PITPNC1: variants seen among roughly 807,000 people sequenced by gnomAD.
PITPNC1 encodes the protein phosphatidylinositol transfer protein cytoplasmic 1, also known as cytoplasmic phosphatidylinositol transfer protein 1.
A neutral mutation model predicts 44.7 loss-of-function variants in PITPNC1; 18 were observed. The observed-to-expected ratio is 0.40, with a 90% CI of 0.28 to 0.60. The LOEUF is 0.60. Among genes scored for constraint, PITPNC1 ranks in the 20% least tolerant of loss-of-function variants. PITPNC1 has a pLI of 0.39. For synonymous variants in PITPNC1, 141 were observed against 149.6 expected, an observed-to-expected ratio of 0.94 and a Z score of 0.42; for missense variants, 290 against 418.4, an observed-to-expected ratio of 0.69 and a Z score of 2.68.
At chr17:67,609,288 C>CTTTTTT (rs34987217) in intron 5 of PITPNC1, among the ~76,000 whole-genome samples, 1 of 114,302 alleles carries the variant, frequency 8.7e-6, no homozygotes, top group African/African-American at 3.7e-5. Flanking sequence ...CTTCTTCTTC[C>CTTTTTT]TTTTTTTTTT....
chr17:67,401,380 G>T (rs1043706576), intron 1 of PITPNC1, among the ~76,000 whole-genome samples: 1 of 152,144 alleles, frequency 6.6e-6, no homozygotes, highest in Non-Finnish European at 1.5e-5. Flanking sequence ...TCGCTTGGGT[G>T]TGGGCTCTTT....
At chr17:67,451,453 A>G (rs1166659573) in intron 1 of PITPNC1, among the ~76,000 whole-genome samples, 1 of 152,150 alleles carries the variant, frequency 6.6e-6, no homozygotes, top group African/African-American at 2.4e-5. Context: ...CCATCACCGC[A>G]GTCCAGTTTT....
At chr17:67,632,563 T>G in intron 6 of PITPNC1, 1 of 237,302 alleles carries the variant, frequency 4.2e-6, no homozygotes, top group Non-Finnish European at 7.9e-6. Flanking sequence ...CCCAATTACA[T>G]GCGCTCTTTT....
chr17:67,609,211 G>GT (rs1219999968), intron 5 of PITPNC1, among the ~76,000 whole-genome samples: 2 of 150,876 alleles, frequency 1.3e-5, no homozygotes, highest in African/African-American at 2.4e-5. Flanking sequence ...GCCTCCCCTG[G>GT]TTTCCCAAGC....
intron 4 of PITPNC1, among the ~76,000 whole-genome samples, chr17:67,574,858 C>T (rs753693733): frequency 6.6e-6 from 1 of 152,170 alleles, no homozygotes; most frequent in East Asian, 1.9e-4. Flanking sequence ...AGGAGCTGTT[C>T]TCTGGCCACC....
At chr17:67,461,896 C>T (rs1158300973) in intron 1 of PITPNC1, among the ~76,000 whole-genome samples, 1 of 152,188 alleles carries the variant, frequency 6.6e-6, no homozygotes. Flanking sequence ...GGCAAGGAAT[C>T]TGAAGCCTGG....
intron 1 of PITPNC1, among the ~76,000 whole-genome samples, chr17:67,512,119 G>C (rs945854072): frequency 6.6e-6 from 1 of 152,124 alleles, no homozygotes. Flanking sequence ...TCAGAACTTG[G>C]GGTGAGAAAG....
At chr17:67,486,466 C>T (rs537353855) in intron 1 of PITPNC1, among the ~76,000 whole-genome samples, 7 of 152,214 alleles carry the variant, frequency 4.6e-5, no homozygotes, top group African/African-American at 1.4e-4. Context: ...CCCACAAATC[C>T]TAATGAGAAG....
intron 5 of PITPNC1, among the ~76,000 whole-genome samples, chr17:67,584,532 T>C (rs911523445): frequency 6.6e-6 from 1 of 152,164 alleles, no homozygotes; most frequent in African/African-American, 2.4e-5. Context: ...AAGGCTTGGT[T>C]TCTTTATTTA....
chr17:67,489,269 C>T (rs983888931), intron 1 of PITPNC1, among the ~76,000 whole-genome samples: 1 of 152,194 alleles, frequency 6.6e-6, no homozygotes, highest in African/African-American at 2.4e-5. Flanking sequence ...CCTCTGTCCT[C>T]ACAGATGTGG....
At chr17:67,499,622 T>C (rs944139835) in intron 1 of PITPNC1, among the ~76,000 whole-genome samples, 1 of 152,248 alleles carries the variant, frequency 6.6e-6, no homozygotes. Flanking sequence ...ATGCACCATA[T>C]AACAATATTT....
At chr17:67,399,490 G>A (rs188517255) in intron 1 of PITPNC1, among the ~76,000 whole-genome samples, 1 of 152,212 alleles carries the variant, frequency 6.6e-6, no homozygotes, top group Admixed American at 6.5e-5. Context: ...AGTTGTCTCC[G>A]CTGCTTTACC....
chr17:67,642,426 C>T (rs2042102054), intron 6 of PITPNC1, among the ~76,000 whole-genome samples: 1 of 152,132 alleles, frequency 6.6e-6, no homozygotes, highest in Non-Finnish European at 1.5e-5. Context: ...AATCCATCAA[C>T]CTACATCCTT....
At chr17:67,488,740 C>T (rs2039819522) in intron 1 of PITPNC1, among the ~76,000 whole-genome samples, 1 of 152,178 alleles carries the variant, frequency 6.6e-6, no homozygotes, top group South Asian at 2.1e-4. Flanking sequence ...CTGTTCCCCT[C>T]CTGGCAGCCC....
intron 1 of PITPNC1, among the ~76,000 whole-genome samples, chr17:67,425,046 C>T (rs1165849720): frequency 6.6e-6 from 1 of 151,948 alleles, no homozygotes; most frequent in African/African-American, 2.4e-5. Context: ...TTGTGAGATC[C>T]ACCCCCTGCC....
At chr17:67,468,181 C>T (rs183016072) in intron 1 of PITPNC1, among the ~76,000 whole-genome samples, 133 of 152,226 alleles carry the variant, frequency 8.7e-4, no homozygotes, top group African/African-American at 3.0e-3. Flanking sequence ...TATTTAGAGT[C>T]GTAGAAGTGT....
chr17:67,537,928 C>T (rs1049030683), intron 2 of PITPNC1, among the ~76,000 whole-genome samples: 10 of 150,630 alleles, frequency 6.6e-5, no homozygotes, highest in African/African-American at 2.0e-4. Context: ...CCCAAGATCG[C>T]GCCAGTGCAC....
intron 2 of PITPNC1, among the ~76,000 whole-genome samples, chr17:67,534,107 C>G (rs1191341607): frequency 6.6e-6 from 1 of 151,934 alleles, no homozygotes; most frequent in Non-Finnish European, 1.5e-5. Context: ...GTTGGCCAGG[C>G]TGATCTTGAA....
At chr17:67,664,853 C>T (rs1195357959) in intron 6 of PITPNC1, among the ~76,000 whole-genome samples, 3 of 149,390 alleles carry the variant, frequency 2.0e-5, no homozygotes, top group South Asian at 4.2e-4. Context: ...TGCAGTGAGC[C>T]GAGATCATGC....
Sources: allele counts gnomAD v4.1 joint callset (sites outside exome capture counted in the v4.1 genomes callset), GRCh38; gene constraint gnomAD v4.1.1; transcripts MANE v1.5; gene names NCBI Gene and HGNC (gene_info 2026-07-23, HGNC 2026-07-21).